The following ANKMY1 variants were observed in gnomAD, a reference collection of about 807,000 sequenced individuals.
ANKMY1 encodes ankyrin repeat and MYND domain containing 1, also known as ankyrin repeat and MYND domain-containing protein 1.
Under a neutral mutation model 102.0 loss-of-function variants are expected in ANKMY1, and 98 were observed. The observed-to-expected ratio is 0.96, with a 90% CI of 0.82 to 1.14. ANKMY1 has a LOEUF of 1.14. Among genes scored for constraint, ANKMY1 ranks in the 50% most tolerant of loss-of-function variants. The probability of loss-of-function intolerance (pLI) is 0.00; values close to 1 mark genes in which losing one functional copy is unlikely to be tolerated. For synonymous variants in ANKMY1, 582 were observed against 559.9 expected, an observed-to-expected ratio of 1.04 and a Z score of -0.56; for missense variants, 1,330 against 1,347.6, an observed-to-expected ratio of 0.99 and a Z score of 0.20.
upstream of ANKMY1, chr2:240,560,879 G>A: frequency 1.4e-6 from 2 of 1,442,358 alleles, no homozygotes; most frequent in Non-Finnish European, 1.8e-6. Flanking sequence ...GCGTGGCAGA[G>A]CTGCGCGTGC....
rs1448386119 is a variant in ANKMY1, at chr2:240,520,969, C to T, written c.1833-436G>A. 6.6e-6 allele frequency among the ~76,000 whole-genome samples: 1 copy of T among 152,022 alleles called. No homozygotes were observed. Among genetic ancestry groups the T allele is most frequent in the Non-Finnish European group, 1.5e-5 (1 of 67,986 alleles). ...AACCACACACACACCACACACACCA[C>T]TCACACCACAAAGACACAAACACAC... is the stretch of plus-strand genomic sequence containing the variant. On this transcript the variant is annotated intron_variant, in intron 8 of 17. Coordinates refer to ENST00000401804, the MANE Select transcript of ANKMY1 (RefSeq NM_001282771.3). This position sits in a 1 kb window ranked among gnomAD's most constrained non-coding sequence, Gnocchi z 4.8.
intron 15 of ANKMY1, among the ~76,000 whole-genome samples, chr2:240,498,400 T>C (rs944505256): frequency 6.7e-6 from 1 of 148,934 alleles, no homozygotes; most frequent in Non-Finnish European, 1.5e-5. Flanking sequence ...CAGATTGTGG[T>C]TGGGTGGGAT....
chr2:240,524,097 G>A lies in ANKMY1; in HGVS notation c.1620C>T (p.Asp540=), dbSNP rs373261373. The A allele has an allele frequency of 1.4e-4, 229 of 1,613,924 alleles. No homozygotes were observed. Among genetic ancestry groups the A allele is most frequent in the East Asian group, 7.4e-4 (33 of 44,892 alleles). The change falls in exon 8 of 18, where the codon GAC becomes GAT. Residue 540 remains aspartate, a synonymous_variant. Transcript: ENST00000401804. ...TGCCCCGGTCTGTGTTTCCCAACAC[G>A]TCCTCAAGCCCGCTTTCCACATGGC... ...SLGHVESGLE[D]VLGNTDRGSL...
intron 5 of ANKMY1, 57 bp from the exon 6 acceptor site, chr2:240,526,502 A>G (rs1433920213): frequency 1.9e-6 from 3 of 1,606,908 alleles, no homozygotes; most frequent in Non-Finnish European, 2.5e-6. Flanking sequence ...TCCCACGAGA[A>G]AGGGTCCAGC....
downstream of ANKMY1, among the ~76,000 whole-genome samples, chr2:240,478,816 C>T (rs913937081): frequency 3.9e-5 from 6 of 152,102 alleles, no homozygotes; most frequent in African/African-American, 1.2e-4. Flanking sequence ...GCTCCAGCCC[C>T]GACACAGGCT....
At chr2:240,479,327 G>A, downstream of ANKMY1, 1 of 519,842 alleles carries the variant, frequency 1.9e-6, no homozygotes, top group Non-Finnish European at 3.4e-6. Flanking sequence ...CATGCCCCAT[G>A]GGAGGCCAAG....
intron 2 of ANKMY1, among the ~76,000 whole-genome samples, chr2:240,555,739 T>A (rs2092274190): frequency 6.6e-6 from 1 of 151,190 alleles, no homozygotes; most frequent in African/African-American, 2.4e-5. Flanking sequence ...CAGACGGACG[T>A]GGCATCTCAG....
chr2:240,479,086 C>G (rs1475451837), downstream of ANKMY1, among the ~76,000 whole-genome samples: 3 of 152,214 alleles, frequency 2.0e-5, no homozygotes, highest in African/African-American at 7.2e-5. Context: ...CCAGAACACT[C>G]AGCACACAGC....
At position 240,512,954 on chromosome 2, in the gene ANKMY1, A is replaced by G; in HGVS notation, c.2005-12T>C. ...GTCAGGGTGCTCAGCTGCAGAGGAAACACCGGGGCGGGCAGTGAGGCACAT... is the reference window on the plus strand; with the variant it reads ...GTCAGGGTGCTCAGCTGCAGAGGAAGCACCGGGGCGGGCAGTGAGGCACAT... On this transcript the variant is annotated splice_polypyrimidine_tract_variant and intron_variant, in intron 9 of 17. Transcript: ENST00000401804. 6.2e-7 allele frequency: 1 copy of G among 1,608,916 alleles called. No homozygotes were observed. Among genetic ancestry groups the G allele is most frequent in the Non-Finnish European group, 8.5e-7 (1 of 1,176,870 alleles).
upstream of ANKMY1, chr2:240,560,904 C>A: frequency 6.6e-7 from 1 of 1,526,388 alleles, no homozygotes; most frequent in Non-Finnish European, 8.7e-7. Context: ...GTTCGACGAC[C>A]CGGCTGAGGA....
chr2:240,548,744 T>A (rs55711457), intron 4 of ANKMY1, among the ~76,000 whole-genome samples: 18,277 of 150,174 alleles, frequency 0.12, 1,178 homozygotes, highest in Middle Eastern at 0.16. Flanking sequence ...AGCCAAATCA[T>A]GAGTGAACTC....
At chr2:240,511,690 G>C in intron 11 of ANKMY1, among the ~76,000 whole-genome samples, 171 bp downstream of exon 11, 1 of 152,356 alleles carries the variant, frequency 6.6e-6, no homozygotes, top group African/African-American at 2.4e-5. Context: ...GCATGTGAGT[G>C]GGAAATCCCG....
At chr2:240,543,536 T>C (rs2089544734) in intron 4 of ANKMY1, among the ~76,000 whole-genome samples, 2 of 152,184 alleles carry the variant, frequency 1.3e-5, no homozygotes, top group South Asian at 4.1e-4. Flanking sequence ...AATTTTTTGA[T>C]AAGTACGACT....
At chr2:240,557,481 C>T in intron 1 of ANKMY1, 129 bp from the exon 2 acceptor site, 1 of 1,079,618 alleles carries the variant, frequency 9.3e-7, no homozygotes. Context: ...CGCGCCGGAG[C>T]CTGGGCCGCC....
Position 240,499,482 on chromosome 2 carries a change from A to G in ANKMY1, c.2806+476T>C, listed in dbSNP as rs1273973027. On this transcript the variant is annotated intron_variant, in intron 15 of 17. Coordinates refer to ENST00000401804, the MANE Select transcript of ANKMY1 (RefSeq NM_001282771.3). The surrounding 1 kb of genome is among the most constrained non-coding windows in gnomAD (Gnocchi z 4.2). ...GGGTTGAGTACGTGGGTGTGGGTAC[A>G]TGGGGGAGTAGATGTCAGTAGGTAC... 6.6e-6 allele frequency among the ~76,000 whole-genome samples: 1 copy of G among 151,364 alleles called. No individual in the cohort carries two copies. The highest frequency in any genetic ancestry group is 2.4e-5 in the African/African-American group (1 of 41,092).
upstream of ANKMY1, among the ~76,000 whole-genome samples, chr2:240,559,713 C>A (rs1334702079): frequency 6.6e-6 from 1 of 152,186 alleles, no homozygotes; most frequent in Non-Finnish European, 1.5e-5. Flanking sequence ...GAGCTGCAAC[C>A]AGGGAAGACC....
In ANKMY1 at chr2:240,520,885, C is replaced by T. The variant is rs577578942; in HGVS notation, c.1833-352G>A. The stretch of plus-strand genomic sequence containing the variant: ...CAGCGCACACCACACAGTACGCACA[C>T]GGCACACCACACACCAGAGCACACA... On this transcript the variant is annotated intron_variant, in intron 8 of 17. Coordinates refer to ENST00000401804, the MANE Select transcript of ANKMY1 (RefSeq NM_001282771.3). The surrounding 1 kb of genome is among the most constrained non-coding windows in gnomAD (Gnocchi z 4.8). 4.0e-5 allele frequency among the ~76,000 whole-genome samples: 6 copies of T among 151,470 alleles called. No homozygotes were observed. The highest frequency in any genetic ancestry group is 1.5e-4 in the African/African-American group (6 of 41,272).
At chr2:240,518,854 T>C (rs899207714) in intron 9 of ANKMY1, among the ~76,000 whole-genome samples, 11 of 152,170 alleles carry the variant, frequency 7.2e-5, no homozygotes, top group African/African-American at 2.7e-4. Flanking sequence ...TTCTGTGTAA[T>C]CTTACACTTG....
intron 4 of ANKMY1, among the ~76,000 whole-genome samples, chr2:240,532,830 G>A (rs979741140): frequency 7.9e-5 from 12 of 152,116 alleles, no homozygotes; most frequent in African/African-American, 2.2e-4. Context: ...TCAGACTCCT[G>A]AGTAGCTAGG....
Sources: allele counts gnomAD v4.1 joint callset (sites outside exome capture counted in the v4.1 genomes callset), GRCh38; gene constraint gnomAD v4.1.1; non-coding constraint Gnocchi (gnomAD v3.1); transcripts MANE v1.5; gene names NCBI Gene and HGNC (gene_info 2026-07-23, HGNC 2026-07-21).